AAR2: variants seen among roughly 807,000 people sequenced by gnomAD.
AAR2 encodes protein AAR2 homolog.
In AAR2, 31 loss-of-function variants were observed where a neutral mutation model predicts 26.9. The observed-to-expected ratio is 1.15, with a 90% confidence interval of 0.86 to 1.55. AAR2 has a LOEUF of 1.55. AAR2 is among the 40% of genes most tolerant of loss of function. AAR2 has a pLI of 0.00. For synonymous variants in AAR2, 188 were observed against 196.1 expected (o/e 0.96, Z 0.34); for missense variants, 430 against 491.3 (o/e 0.88, Z 1.18).
At chr20:36,245,015 C>A in intron 3 of AAR2, 89 bp downstream of exon 3, 1 of 1,230,046 alleles carries the variant, frequency 8.1e-7, no homozygotes, top group Non-Finnish European at 1.2e-6. Flanking sequence ...TCTTCCATGA[C>A]CCCAAAATTT....
chr20:36,250,940 T>G (rs1214696818), intron 3 of AAR2, among the ~76,000 whole-genome samples: 1 of 152,182 alleles, frequency 6.6e-6, no homozygotes. Context: ...CTCATGCCTC[T>G]AATCCCAGCA....
chr20:36,251,831 T>C (rs1310604606), intron 3 of AAR2, among the ~76,000 whole-genome samples: 1 of 152,228 alleles, frequency 6.6e-6, no homozygotes, highest in Non-Finnish European at 1.5e-5. Flanking sequence ...CAGGCAATGT[T>C]TGAGAGGTGC....
At chr20:36,249,535 A>C (rs996812092) in intron 3 of AAR2, among the ~76,000 whole-genome samples, 1 of 152,212 alleles carries the variant, frequency 6.6e-6, no homozygotes, top group African/African-American at 2.4e-5. Context: ...ATGTGTGTTC[A>C]TCTTTAACTC....
At position 36,240,275 on chromosome 20, in the gene AAR2, T is replaced by G. The variant is rs757481964; in HGVS notation, c.407T>G (p.Leu136Arg). 2 of 1,614,174 alleles carry G rather than the reference T, an allele frequency of 1.2e-6. No individual in the cohort carries two copies. Among genetic ancestry groups the G allele is most frequent in the Non-Finnish European group, 1.7e-6 (2 of 1,180,034 alleles). Residue 136 changes from leucine (L) to arginine (R), a missense_variant, in exon 2 of 4, where the codon CTC (leucine) becomes CGC (arginine). By Grantham distance (102) the Leu-to-Arg change is moderately radical. Coordinates refer to ENST00000320849, the MANE Select transcript of AAR2 (RefSeq NM_001271874.2). The part of the protein sequence containing the change: ...PYATLKKWIS[L>R]TNFISEATVE... ...GCCACCCTGAAGAAGTGGATCTCACTCACCAACTTCATCAGCGAAGCCACA... is the reference window on the plus strand; with the variant it reads ...GCCACCCTGAAGAAGTGGATCTCACGCACCAACTTCATCAGCGAAGCCACA...
intron 2 of AAR2, among the ~76,000 whole-genome samples, chr20:36,240,988 T>C (rs923923877): frequency 6.6e-6 from 1 of 151,980 alleles, no homozygotes; most frequent in African/African-American, 2.4e-5. Flanking sequence ...CCTGTGTTCG[T>C]TGTAGCCTCT....
chr20:36,253,069 C>T (rs1311096801), intron 3 of AAR2, among the ~76,000 whole-genome samples: 1 of 151,170 alleles, frequency 6.6e-6, no homozygotes, highest in Admixed American at 6.6e-5. Flanking sequence ...TTCTGTACCG[C>T]CCCCCTTCCC....
chr20:36,254,822 A>G (rs1276391149), intron 3 of AAR2, among the ~76,000 whole-genome samples: 2 of 152,222 alleles, frequency 1.3e-5, no homozygotes, highest in Admixed American at 1.3e-4. Context: ...GATTACACCT[A>G]ACGTCCCTAA....
intron 2 of AAR2, among the ~76,000 whole-genome samples, chr20:36,242,854 GTTTTTTTT>G (rs766390749): frequency 8.3e-6 from 1 of 121,022 alleles, no homozygotes; most frequent in South Asian, 2.6e-4. Flanking sequence ...AACTTTGTTG[GTTTTTTTT>G]TTTTTTTTTT....
intron 2 of AAR2, among the ~76,000 whole-genome samples, chr20:36,241,027 C>A (rs531277320): frequency 1.3e-5 from 2 of 149,554 alleles, no homozygotes; most frequent in Admixed American, 1.3e-4. Flanking sequence ...GCTCCTGACC[C>A]TCAAGATGTT....
chr20:36,246,506 A>G (rs560580013), intron 3 of AAR2, among the ~76,000 whole-genome samples: 1 of 152,152 alleles, frequency 6.6e-6, no homozygotes, highest in African/African-American at 2.4e-5. Flanking sequence ...CTGTGGGGAA[A>G]ATTTTCCCCA....
At chr20:36,246,066 T>G (rs1321632696) in intron 3 of AAR2, among the ~76,000 whole-genome samples, 2 of 152,192 alleles carry the variant, frequency 1.3e-5, no homozygotes, top group African/African-American at 4.8e-5. Flanking sequence ...GGGGGTATTA[T>G]TCCCATTTTA....
At chr20:36,242,246 G>A (rs2064689336) in intron 2 of AAR2, among the ~76,000 whole-genome samples, 1 of 150,520 alleles carries the variant, frequency 6.6e-6, no homozygotes, top group Admixed American at 6.6e-5. Context: ...CAACCTCTCG[G>A]GCCCAAGTGA....
chr20:36,242,359 C>T (rs2064690893), intron 2 of AAR2, among the ~76,000 whole-genome samples: 1 of 142,426 alleles, frequency 7.0e-6, no homozygotes, highest in Non-Finnish European at 1.5e-5. Context: ...TTAACAGGTA[C>T]ATCTTTTGTT....
intron 2 of AAR2, among the ~76,000 whole-genome samples, chr20:36,244,059 T>A (rs1196707128): frequency 1.3e-5 from 2 of 152,278 alleles, no homozygotes; most frequent in Admixed American, 6.5e-5. Context: ...ATCTGTTTTA[T>A]CTTTCCGTTG....
At position 36,239,905 on chromosome 20, in the gene AAR2, C is replaced by A. The variant is rs766202428; in HGVS notation, c.37C>A (p.Arg13Ser). ...GCAGATGGATCCTGAGCTAGCCAAGCGCCTCTTCTTTGAAGGGGCCACTGT... is the reference window on the plus strand; with the variant it reads ...GCAGATGGATCCTGAGCTAGCCAAGAGCCTCTTCTTTGAAGGGGCCACTGT... ...AVQMDPELAK[R>S]LFFEGATVVI... The change falls in exon 2 of 4, where the codon CGC becomes AGC. Residue 13 changes from arginine to serine, a missense_variant. Physicochemically the swap from Arg to Ser is moderately radical, Grantham distance 110. Transcript: ENST00000320849. 1 of 1,606,264 alleles carries A rather than the reference C, an allele frequency of 6.2e-7. No individual in the cohort carries two copies. Among genetic ancestry groups the A allele is most frequent in the Non-Finnish European group, 8.5e-7 (1 of 1,173,852 alleles).
chr20:36,241,627 A>G (rs1449935603), intron 2 of AAR2, among the ~76,000 whole-genome samples: 2 of 152,138 alleles, frequency 1.3e-5, no homozygotes, highest in African/African-American at 2.4e-5. Flanking sequence ...CATCTGTACT[A>G]AAAATACAAA....
In AAR2 at chr20:36,244,343, G is replaced by C. The variant is rs937348441; in HGVS notation, c.758-354G>C. Among the ~76,000 whole-genome samples the C allele has an allele frequency of 1.2e-4, 18 of 152,182 alleles. 1 individual carries two copies. Among genetic ancestry groups the C allele is most frequent in the Non-Finnish European group, 5.9e-5 (4 of 68,030 alleles). On this transcript the variant is annotated intron_variant, in intron 2 of 3. Transcript: ENST00000320849. ...GCTTTACTTTTAACAGACTCTCAGT[G>C]ATTCTGATGGGCAGCCAGGTTTGAA...
intron 3 of AAR2, among the ~76,000 whole-genome samples, chr20:36,245,644 A>G (rs2064727336): frequency 6.6e-6 from 1 of 151,966 alleles, no homozygotes; most frequent in African/African-American, 2.4e-5. Context: ...TGTGTGTAAT[A>G]CCCCCATGAG....
chr20:36,255,088 TAAA>T (rs112619484), intron 3 of AAR2, among the ~76,000 whole-genome samples: 1 of 150,448 alleles, frequency 6.6e-6, no homozygotes, highest in Non-Finnish European at 1.5e-5. Flanking sequence ...TTACCACAAT[TAAA>T]AAAAAAATCA....
Sources: allele counts gnomAD v4.1 joint callset (sites outside exome capture counted in the v4.1 genomes callset), GRCh38; gene constraint gnomAD v4.1.1; transcripts MANE v1.5; gene names NCBI Gene and HGNC (gene_info 2026-07-23, HGNC 2026-07-21).